RBPJ: variants seen among roughly 807,000 people sequenced by gnomAD.
RBPJ encodes the protein recombination signal binding protein for immunoglobulin kappa J region.
A neutral mutation model predicts 67.8 loss-of-function variants in RBPJ; 9 were observed. The observed-to-expected ratio is 0.13, with a 90% CI of 0.08 to 0.23. The LOEUF is 0.23. Ranked by LOEUF, RBPJ falls within the 10% of genes least tolerant of loss-of-function variation. The pLI is 1.00. For synonymous variants in RBPJ, 198 were observed against 203.3 expected (o/e 0.97, Z 0.22); for missense variants, 305 against 595.6 (o/e 0.51, Z 5.08).
chr4:26,387,562 A>G (rs1038737619), intron 2 of RBPJ, among the ~76,000 whole-genome samples: 3 of 152,226 alleles, frequency 2.0e-5, no homozygotes, highest in African/African-American at 7.2e-5. Context: ...GTATAGAAGG[A>G]TAAGTGATTC....
chr4:26,214,721 G>GAGAAAGAA (rs148895739), intron 1 of RBPJ, among the ~76,000 whole-genome samples: 1 of 113,680 alleles, frequency 8.8e-6, no homozygotes, highest in Admixed American at 9.8e-5. Context: ...AGGAGAGAGA[G>GAGAAAGAA]AGAAAGAAAG....
chr4:26,396,498 T>C (rs1332927761), intron 2 of RBPJ, among the ~76,000 whole-genome samples: 1 of 152,266 alleles, frequency 6.6e-6, no homozygotes, highest in Non-Finnish European at 1.5e-5. Context: ...TACTATTTTA[T>C]GTTCTCAGAT....
chr4:26,307,738 C>G (rs1722284164), intron 1 of RBPJ, among the ~76,000 whole-genome samples: 1 of 152,062 alleles, frequency 6.6e-6, no homozygotes, highest in African/African-American at 2.4e-5. Context: ...AAAAACAAAC[C>G]ATGCATCAAT....
chr4:26,369,344 A>G (rs1728933690), intron 1 of RBPJ, among the ~76,000 whole-genome samples: 1 of 152,248 alleles, frequency 6.6e-6, no homozygotes, highest in Non-Finnish European at 1.5e-5. Context: ...CTAACAATGA[A>G]TCAATATTGC....
intron 1 of RBPJ, among the ~76,000 whole-genome samples, chr4:26,356,718 TG>T (rs1294294018): frequency 6.6e-6 from 1 of 152,254 alleles, no homozygotes; most frequent in Non-Finnish European, 1.5e-5. Flanking sequence ...TCCCATTTGG[TG>T]CCCAACTAGA....
chr4:26,153,013 G>A, the RBPJ span, among the ~76,000 whole-genome samples: 1 of 152,264 alleles, frequency 6.6e-6, no homozygotes, highest in Admixed American at 6.5e-5. Context: ...GATACCATGC[G>A]GATGGCACCC....
chr4:26,351,152 A>G (rs1257929002), intron 1 of RBPJ, among the ~76,000 whole-genome samples: 6 of 152,158 alleles, frequency 3.9e-5, no homozygotes, highest in African/African-American at 9.7e-5. Context: ...AATATGCTTA[A>G]TTACTATGCT....
chr4:26,155,180 A>C, the RBPJ span, among the ~76,000 whole-genome samples: 4 of 152,244 alleles, frequency 2.6e-5, no homozygotes, highest in Non-Finnish European at 4.4e-5. Context: ...CATTAATCCC[A>C]ACCATTACTT....
At chr4:26,427,426 G>A (rs1490076836) in intron 7 of RBPJ, among the ~76,000 whole-genome samples, 1 of 152,176 alleles carries the variant, frequency 6.6e-6, no homozygotes, top group East Asian at 1.9e-4. Context: ...GAATGCAGGA[G>A]AGAAGTCTGG....
chr4:26,118,883 T>C, the RBPJ span, among the ~76,000 whole-genome samples: 27 of 152,314 alleles, frequency 1.8e-4, no homozygotes, highest in Admixed American at 1.2e-3. Context: ...ACTTGAGGCT[T>C]TCTTTGACAC....
At chr4:26,383,415 A>G (rs1298360106) in intron 1 of RBPJ, among the ~76,000 whole-genome samples, 2 of 152,186 alleles carry the variant, frequency 1.3e-5, no homozygotes, top group South Asian at 2.1e-4. Context: ...TGCTGGTTAC[A>G]TATTTAGTAT....
chr4:26,226,820 A>G (rs1483501363), intron 1 of RBPJ, among the ~76,000 whole-genome samples: 1 of 152,212 alleles, frequency 6.6e-6, no homozygotes, highest in Non-Finnish European at 1.5e-5. Flanking sequence ...CAATTTTCTC[A>G]GAATTAGAAT....
intron 1 of RBPJ, among the ~76,000 whole-genome samples, chr4:26,195,629 C>T (rs893154724): frequency 4.6e-5 from 7 of 151,978 alleles, no homozygotes; most frequent in African/African-American, 1.4e-4. Context: ...GAGTCTCACT[C>T]GGTCGCCCAG....
the RBPJ span, among the ~76,000 whole-genome samples, chr4:26,155,144 G>A: frequency 6.6e-6 from 1 of 152,218 alleles, no homozygotes; most frequent in Admixed American, 6.5e-5. Flanking sequence ...TTTTGGAAAG[G>A]AGGGGTGAAT....
chr4:26,319,643 T>C, upstream of RBPJ: 1 of 608,852 alleles, frequency 1.6e-6, no homozygotes, highest in African/African-American at 1.9e-5. Context: ...CCCACGGCCG[T>C]GTTGTGTCTG....
intron 1 of RBPJ, among the ~76,000 whole-genome samples, chr4:26,187,757 C>T (rs1717324902): frequency 6.6e-6 from 1 of 152,074 alleles, no homozygotes; most frequent in African/African-American, 2.4e-5. Flanking sequence ...CACTGTGGCT[C>T]ACACCTATAA....
chr4:26,347,595 C>T (rs1726298980), intron 1 of RBPJ, among the ~76,000 whole-genome samples: 1 of 152,100 alleles, frequency 6.6e-6, no homozygotes, highest in African/African-American at 2.4e-5. Flanking sequence ...TACTGTGGTT[C>T]AGGAGTTGAA....
intron 1 of RBPJ, chr4:26,343,316 C>T (rs149142262): frequency 3.3e-5 from 5 of 152,134 alleles, no homozygotes; most frequent in Non-Finnish European, 7.4e-5. Context: ...GATATGTGGG[C>T]AGATAAATTG....
the RBPJ span, among the ~76,000 whole-genome samples, chr4:26,157,112 C>CAAAAA: frequency 8.8e-5 from 10 of 113,310 alleles, no homozygotes; most frequent in African/African-American, 3.1e-4. Context: ...AACAAACAAA[C>CAAAAA]AAACAAAAAA....
Sources: allele counts gnomAD v4.1 joint callset (sites outside exome capture counted in the v4.1 genomes callset), GRCh38; gene constraint gnomAD v4.1.1; transcripts MANE v1.5; gene names NCBI Gene and HGNC (gene_info 2026-07-23, HGNC 2026-07-21).